Variants in REXO1 observed in about 807,000 individuals in gnomAD.
The protein encoded by REXO1 is REX1, RNA exonuclease 1 homolog.
A neutral mutation model predicts 102.6 loss-of-function variants in REXO1; 42 were observed. The ratio of observed to expected loss-of-function variants is 0.41; its 90% CI spans 0.32 to 0.53. REXO1 has a LOEUF of 0.53. Ranked by LOEUF, REXO1 falls within the 20% of genes least tolerant of loss-of-function variation. The probability of loss-of-function intolerance (pLI) is 0.27; values close to 1 mark genes in which losing one functional copy is unlikely to be tolerated. For synonymous variants in REXO1, 908 were observed against 779.1 expected, an observed-to-expected ratio of 1.17 and a Z score of -2.76; for missense variants, 1,819 against 1,732.5, an observed-to-expected ratio of 1.05 and a Z score of -0.89.
At chr19:1,818,324 G>A (rs1457126156) in intron 10 of REXO1, among the ~76,000 whole-genome samples, 158 bp downstream of exon 10, 1 of 152,238 alleles carries the variant, frequency 6.6e-6, no homozygotes, top group African/African-American at 2.4e-5. Context: ...ATGAGGCCAA[G>A]GGCTAGCCCC....
chr19:1,848,421 G>A lies in REXO1; in HGVS notation c.-63C>T, dbSNP rs1478455493. 9.0e-7 allele frequency: 1 copy of A among 1,110,676 alleles called. No individual in the cohort carries two copies. The highest frequency in any genetic ancestry group is 1.1e-6 in the Non-Finnish European group (1 of 904,908). The allele number at this position is 1,110,676 out of a possible 1,614,324, so 68.8% of individuals were successfully genotyped here. ...CGGGCCCCAGGGCCCCCTCACTGGCGCCGCGGTCGCCGCCGCCCGCGCCTC... is the reference window on the plus strand; with the variant it reads ...CGGGCCCCAGGGCCCCCTCACTGGCACCGCGGTCGCCGCCGCCCGCGCCTC... On this transcript the variant is annotated 5_prime_UTR_variant, in exon 1 of 16. Coordinates refer to ENST00000170168, the MANE Select transcript of REXO1 (RefSeq NM_020695.4).
intron 11 of REXO1, 160 bp from the exon 12 acceptor site, chr19:1,817,489 A>C (rs554196333): frequency 8.3e-5 from 122 of 1,472,668 alleles, no homozygotes; most frequent in Non-Finnish European, 1.1e-4. Context: ...GGGGCTTGCC[A>C]AGAAGACACA....
Position 1,820,477 on chromosome 19 carries a change from C to G in REXO1, c.2395-82G>C, listed in dbSNP as rs560905954. 2.7e-5 allele frequency: 42 copies of G among 1,539,026 alleles called. No homozygotes were observed. The South Asian group carries it at 4.5e-4, about 17-fold the overall frequency. On this transcript the variant is annotated intron_variant, in intron 5 of 15. Coordinates refer to ENST00000170168, the MANE Select transcript of REXO1 (RefSeq NM_020695.4). ...GAACGCAGACGCGATGAGGCCGTGC[C>G]CATGGCTGGAGGCAAGAGTGAGGTG...
rs532571044 is a variant in REXO1 at position 1,826,760 on chromosome 19, G to A, written c.1911+118C>T. Reference sequence around the variant, plus strand: ...AACGGGCTCAGGGACCAGCACTGAGGAGCTGCCTCCACCCCGTGCCTCCGA... The same window carrying A: ...AACGGGCTCAGGGACCAGCACTGAGAAGCTGCCTCCACCCCGTGCCTCCGA... On this transcript the variant is annotated intron_variant, in intron 2 of 15. Coordinates refer to ENST00000170168, the MANE Select transcript of REXO1 (RefSeq NM_020695.4). This position sits in a 1 kb window ranked among gnomAD's most constrained non-coding sequence, Gnocchi z 4.3. 1,147 of 1,472,616 alleles carry A rather than the reference G, an allele frequency of 7.8e-4. 1 individual carries two copies. The highest frequency in any genetic ancestry group is 1.6e-3 in the Admixed American group (61 of 38,718). 91.2% of individuals were successfully genotyped at this position (1,472,616 alleles called of 1,614,324 possible). A position where few individuals can be genotyped will look rare whatever the true frequency, so the allele number is the denominator to read the frequency against.
intron 3 of REXO1, chr19:1,824,106 A>C: frequency 5.9e-5 from 15 of 253,806 alleles, no homozygotes; most frequent in Non-Finnish European, 6.8e-5. Flanking sequence ...ATCTTCCTCA[A>C]AGCCCCTCCT....
At chr19:1,848,164 G>A (rs375718066) in intron 1 of REXO1, 38 bp downstream of exon 1, 21,565 of 1,089,018 alleles carry the variant, frequency 0.02, 240 homozygotes, top group Middle Eastern at 0.022. Context: ...CCCGGGCAGG[G>A]GAGCCGAGCC....
In REXO1 at chr19:1,825,726, T is replaced by C. The variant is rs1054448313; in HGVS notation, c.2016+113A>G. 605 of 714,146 alleles carry C rather than the reference T, an allele frequency of 8.5e-4. 6 individuals carry two copies. The highest frequency in any genetic ancestry group is 7.7e-4 in the Middle Eastern group (2 of 2,600). 44.2% of individuals were successfully genotyped at this position (714,146 alleles called of 1,614,324 possible). A position where few individuals can be genotyped will look rare whatever the true frequency, so the allele number is the denominator to read the frequency against. On this transcript the variant is annotated intron_variant, in intron 3 of 15. Coordinates refer to ENST00000170168, the MANE Select transcript of REXO1 (RefSeq NM_020695.4). ...CCTGGCCTCAGGTGATCCACCCGCC[T>C]TGGCCTCCCAAAGTGCTGGGATTAC...
In REXO1 at chr19:1,823,768, C is replaced by G; in HGVS notation, c.2034G>C (p.Arg678Ser). Residue 678 changes from arginine (R) to serine (S), a missense_variant, in exon 4 of 16, where the codon AGG becomes AGC. Transcript: ENST00000170168. The part of the protein sequence containing the change: ...KQGQEVEPPR[R>S]GPAVPPARPP... ...GCCGGGCCGGGGGCACCGCGGGACC[C>G]CTCCTCGGGGGCTCCACCTGCGTCA... 8.0e-7 allele frequency: 1 copy of G among 1,249,788 alleles called. No individual in the cohort carries two copies. The highest frequency in any genetic ancestry group is 1.0e-6 in the Non-Finnish European group (1 of 990,280). The allele number at this position is 1,249,788 out of a possible 1,614,324, so 77.4% of individuals were successfully genotyped here. A position where few individuals can be genotyped will look rare whatever the true frequency, so the allele number is the denominator to read the frequency against.
intron 1 of REXO1, among the ~76,000 whole-genome samples, chr19:1,838,945 T>G (rs1340586660): frequency 6.6e-6 from 1 of 151,834 alleles, no homozygotes; most frequent in Non-Finnish European, 1.5e-5. Flanking sequence ...GGTGAAACCC[T>G]GTGTCTACTA....
intron 1 of REXO1, among the ~76,000 whole-genome samples, chr19:1,847,408 T>G (rs1609760): frequency 0.75 from 114,147 of 152,072 alleles, 43,002 homozygotes; most frequent in Middle Eastern, 0.81. Context: ...AGGGGCTGGG[T>G]GAAGCAGAGA....
intron 7 of REXO1, 70 bp from the exon 8 acceptor site, chr19:1,819,201 C>A: frequency 8.7e-7 from 1 of 1,155,882 alleles, no homozygotes; most frequent in Non-Finnish European, 1.2e-6. Context: ...GCCTGCTCTC[C>A]CACCCACCCT....
chr19:1,835,527 G>A (rs753862716), intron 1 of REXO1, among the ~76,000 whole-genome samples: 1 of 152,134 alleles, frequency 6.6e-6, no homozygotes, highest in Non-Finnish European at 1.5e-5. Context: ...CAACCTGGGC[G>A]ACAGAGCTAT....
intron 1 of REXO1, among the ~76,000 whole-genome samples, chr19:1,846,400 A>C (rs1046653042): frequency 6.6e-6 from 1 of 152,110 alleles, no homozygotes; most frequent in Non-Finnish European, 1.5e-5. Flanking sequence ...AAGCCCTACC[A>C]CCCCACCAGA....
At position 1,816,559 on chromosome 19, in the gene REXO1, C is replaced by A; in HGVS notation, c.3328G>T (p.Val1110Leu). 6.2e-7 allele frequency: 1 copy of A among 1,610,118 alleles called. No homozygotes were observed. Among genetic ancestry groups the A allele is most frequent in the Non-Finnish European group, 8.5e-7 (1 of 1,178,170 alleles). Residue 1110 changes from valine to leucine, a missense_variant, in exon 14 of 16, where the codon GTG (valine) becomes TTG (leucine). By Grantham distance (32) the Val-to-Leu change is conservative. Transcript: ENST00000170168. ...IVDYNTRFSG[V>L]TEADLADTSV... The stretch of plus-strand genomic sequence containing the variant: ...GTGTCGGCAAGGTCAGCCTCCGTCA[C>A]CCCCGAAAACCTGGGGGAACGGGCA...
rs1409014872 is a variant in REXO1, at chr19:1,826,444, G to A, written c.1911+434C>T. On this transcript the variant is annotated intron_variant, in intron 2 of 15. Transcript: ENST00000170168. The surrounding 1 kb of genome is among the most constrained non-coding windows in gnomAD (Gnocchi z 4.3). ...GGATGAGGAGGAGGCAAGGAGAGGAGACAGAGGAGCTGGAAGAGAAGAGAC... is the reference window on the plus strand; with the variant it reads ...GGATGAGGAGGAGGCAAGGAGAGGAAACAGAGGAGCTGGAAGAGAAGAGAC... Among the ~76,000 whole-genome samples the A allele has an allele frequency of 6.1e-5, 9 of 148,746 alleles. No homozygotes were observed. The highest frequency in any genetic ancestry group is 1.2e-4 in the Non-Finnish European group (8 of 67,324).
At chr19:1,844,308 T>C (rs997538228) in intron 1 of REXO1, among the ~76,000 whole-genome samples, 1 of 152,184 alleles carries the variant, frequency 6.6e-6, no homozygotes, top group African/African-American at 2.4e-5. Context: ...CCACTGCTGT[T>C]TGGGGGTCAC....
intron 1 of REXO1, among the ~76,000 whole-genome samples, chr19:1,833,636 A>T (rs1421753980): frequency 1.3e-5 from 2 of 152,186 alleles, no homozygotes; most frequent in Non-Finnish European, 2.9e-5. Flanking sequence ...TGCGGAGGCC[A>T]GCAGCAGCTC....
At position 1,826,794 on chromosome 19, in the gene REXO1, G is replaced by A. The variant is rs2145274453; in HGVS notation, c.1911+84C>T. ...CCACCCCGTGCCTCCGAGCCAACTG[G>A]AAACCACTCCAGATAGAAGGTCTCT... On this transcript the variant is annotated intron_variant, in intron 2 of 15. Transcript: ENST00000170168. The surrounding 1 kb of genome is among the most constrained non-coding windows in gnomAD (Gnocchi z 4.3). 6.6e-7 allele frequency: 1 copy of A among 1,514,500 alleles called. No homozygotes were observed. Among genetic ancestry groups the A allele is most frequent in the Non-Finnish European group, 8.8e-7 (1 of 1,135,126 alleles). The allele number at this position is 1,514,500 out of a possible 1,614,324, so 93.8% of individuals were successfully genotyped here.
rs139590793 is a variant in REXO1, at chr19:1,816,331, G to T, written c.3471C>A (p.Thr1157=). 6.2e-4 allele frequency: 990 copies of T among 1,591,338 alleles called. 8 individuals are homozygous for T. Among genetic ancestry groups the T allele is most frequent in the Middle Eastern group, 3.9e-4 (2 of 5,126 alleles). ...DLLALKVIHS[T]VVDTSVLFPH... is the part of the protein sequence containing the mutation. ...GGAAGAGCACAGACGTGTCCACCAC[G>T]GTGCTGTGGATGACCTGTGGGCAGC... is the stretch of plus-strand genomic sequence containing the variant. The change falls in exon 15 of 16, where the codon ACC becomes ACA. Residue 1157 remains threonine (T), a synonymous_variant. Coordinates refer to ENST00000170168, the MANE Select transcript of REXO1 (RefSeq NM_020695.4).
Sources: gnomAD v4.1 joint callset for allele counts (sites outside exome capture counted in the v4.1 genomes callset) on GRCh38, gnomAD v4.1.1 for gene constraint, Gnocchi (gnomAD v3.1) non-coding constraint, MANE v1.5 for transcripts, NCBI Gene and HGNC (gene_info 2026-07-23, HGNC 2026-07-21) for gene names.